GRM8: variants seen among roughly 807,000 people sequenced by gnomAD.
GRM8 encodes the protein glutamate metabotropic receptor 8.
Under a neutral mutation model 87.2 loss-of-function variants are expected in GRM8, and 47 were observed. That is an observed-to-expected ratio of 0.54 (90% CI 0.43 to 0.69). The LOEUF is 0.69. Among genes scored for constraint, GRM8 ranks in the 30% least tolerant of loss-of-function variants. The pLI is 0.00. For synonymous variants in GRM8, 396 were observed against 404.5 expected, an observed-to-expected ratio of 0.98 and a Z score of 0.25; for missense variants, 1,019 against 1,139.2, an observed-to-expected ratio of 0.89 and a Z score of 1.52.
At chr7:127,240,616 A>G (rs1798236902) in intron 2 of GRM8, among the ~76,000 whole-genome samples, 1 of 152,144 alleles carries the variant, frequency 6.6e-6, no homozygotes, top group Non-Finnish European at 1.5e-5. Flanking sequence ...AACCAAAAGG[A>G]GAAGATTCTT....
At chr7:126,707,562 A>G (rs892920706) in intron 7 of GRM8, among the ~76,000 whole-genome samples, 6 of 152,170 alleles carry the variant, frequency 3.9e-5, no homozygotes, top group South Asian at 2.1e-4. Flanking sequence ...TAGAGTTTCA[A>G]CGCATTAAAG....
intron 7 of GRM8, among the ~76,000 whole-genome samples, chr7:126,750,013 A>C (rs1337928245): frequency 6.6e-6 from 1 of 152,182 alleles, no homozygotes; most frequent in South Asian, 2.1e-4. Context: ...AAACAAAAGC[A>C]TATATCCTCA....
intron 8 of GRM8, among the ~76,000 whole-genome samples, chr7:126,536,342 T>C (rs1815719647): frequency 6.6e-6 from 1 of 152,194 alleles, no homozygotes; most frequent in African/African-American, 2.4e-5. Flanking sequence ...GCCAGAGAAC[T>C]GTAGTCTTCA....
At chr7:126,894,634 C>T (rs1245633667) in intron 6 of GRM8, among the ~76,000 whole-genome samples, 9 of 151,884 alleles carry the variant, frequency 5.9e-5, no homozygotes, top group Non-Finnish European at 5.9e-5. Flanking sequence ...AGAAGTCAGG[C>T]GGTTCACAAA....
chr7:126,472,670 T>C (rs1405714358), intron 9 of GRM8, among the ~76,000 whole-genome samples: 2 of 152,194 alleles, frequency 1.3e-5, no homozygotes, highest in Admixed American at 1.3e-4. Context: ...AAGCCAAATG[T>C]TCACTGCCAC....
At chr7:126,668,160 G>A (rs1290433168) in intron 7 of GRM8, among the ~76,000 whole-genome samples, 1 of 152,010 alleles carries the variant, frequency 6.6e-6, no homozygotes, top group Non-Finnish European at 1.5e-5. Flanking sequence ...GCTCTAGCGG[G>A]GATTCTGGGC....
chr7:126,868,745 T>TA (rs780341463), intron 6 of GRM8: 3 of 152,248 alleles, frequency 2.0e-5, no homozygotes, highest in Non-Finnish European at 2.9e-5. Context: ...AATTTAAAAA[T>TA]ACTTTATTGC....
intron 9 of GRM8, among the ~76,000 whole-genome samples, chr7:126,478,350 A>G (rs1806252027): frequency 6.6e-6 from 1 of 152,148 alleles, no homozygotes; most frequent in Non-Finnish European, 1.5e-5. Context: ...AAGGTAAAAC[A>G]TAAATATGAG....
chr7:126,974,288 T>C (rs1810725009), intron 3 of GRM8, among the ~76,000 whole-genome samples: 1 of 152,194 alleles, frequency 6.6e-6, no homozygotes, highest in Non-Finnish European at 1.5e-5. Flanking sequence ...AACCTGTAGT[T>C]AATAAAATTG....
At chr7:126,722,007 G>A (rs992585489) in intron 7 of GRM8, among the ~76,000 whole-genome samples, 4 of 152,090 alleles carry the variant, frequency 2.6e-5, no homozygotes, top group African/African-American at 9.7e-5. Context: ...ATCAGGAGGT[G>A]ACTAATTTAT....
At chr7:126,814,761 A>T (rs1262597435) in intron 6 of GRM8, among the ~76,000 whole-genome samples, 3 of 147,122 alleles carry the variant, frequency 2.0e-5, no homozygotes, top group Admixed American at 6.8e-5. Context: ...CCATTCTTAT[A>T]TTTTTTTTTT....
intron 2 of GRM8, among the ~76,000 whole-genome samples, chr7:127,240,542 G>A (rs1336348025): frequency 6.6e-6 from 1 of 152,040 alleles, no homozygotes; most frequent in African/African-American, 2.4e-5. Context: ...ACAGGAAACA[G>A]CCAGGATTCA....
At chr7:126,851,818 T>C (rs1262309284) in intron 6 of GRM8, among the ~76,000 whole-genome samples, 1 of 152,160 alleles carries the variant, frequency 6.6e-6, no homozygotes, top group Non-Finnish European at 1.5e-5. Context: ...CCTGCTTTAT[T>C]TTTCCCCTTA....
intron 1 of GRM8, among the ~76,000 whole-genome samples, chr7:127,249,372 A>G (rs1798742533): frequency 6.6e-6 from 1 of 152,212 alleles, no homozygotes; most frequent in Non-Finnish European, 1.5e-5. Context: ...GTCATCCCCA[A>G]ATGGAACATC....
At chr7:126,657,739 G>A (rs1239846333) in intron 7 of GRM8, among the ~76,000 whole-genome samples, 1 of 152,216 alleles carries the variant, frequency 6.6e-6, no homozygotes, top group Non-Finnish European at 1.5e-5. Flanking sequence ...GTGTATGCTG[G>A]GAATGTACTT....
intron 3 of GRM8, among the ~76,000 whole-genome samples, chr7:126,956,896 G>A (rs1478827720): frequency 1.3e-5 from 2 of 152,066 alleles, no homozygotes; most frequent in Non-Finnish European, 2.9e-5. Flanking sequence ...TCAATACAGA[G>A]CCGACTATTA....
intron 6 of GRM8, among the ~76,000 whole-genome samples, chr7:126,894,572 C>T (rs1271746207): frequency 6.6e-6 from 1 of 151,934 alleles, no homozygotes; most frequent in Non-Finnish European, 1.5e-5. Context: ...AGAATTGCTT[C>T]CCTTCTAAAA....
intron 9 of GRM8, among the ~76,000 whole-genome samples, chr7:126,531,006 G>A (rs1814732630): frequency 6.6e-6 from 1 of 152,040 alleles, no homozygotes; most frequent in Non-Finnish European, 1.5e-5. Flanking sequence ...TAGAGATAGG[G>A]TCTTGTTATG....
At chr7:126,743,514 G>C (rs889411418) in intron 7 of GRM8, among the ~76,000 whole-genome samples, 2 of 151,964 alleles carry the variant, frequency 1.3e-5, no homozygotes, top group Admixed American at 6.6e-5. Flanking sequence ...AAAAGAATAT[G>C]CACCTGGAGC....
Sources: gnomAD v4.1 joint callset for allele counts (sites outside exome capture counted in the v4.1 genomes callset) on GRCh38, gnomAD v4.1.1 for gene constraint, MANE v1.5 for transcripts, NCBI Gene and HGNC (gene_info 2026-07-23, HGNC 2026-07-21) for gene names.